Variants in COL12A1 observed in about 807,000 individuals in gnomAD.
The protein encoded by COL12A1 is collagen alpha-1(XII) chain.
A neutral mutation model predicts 349.7 loss-of-function variants in COL12A1; 114 were observed. The ratio of observed to expected loss-of-function variants is 0.33; its 90% confidence interval spans 0.28 to 0.38. COL12A1 has a LOEUF of 0.38. COL12A1 is among the 10% of genes least tolerant of loss of function. The pLI, the probability that COL12A1 is intolerant of heterozygous loss-of-function variation, is 1.00. For synonymous variants in COL12A1, 1,369 were observed against 1,329.0 expected (o/e 1.03, Z -0.66); for missense variants, 3,284 against 3,756.9 (o/e 0.87, Z 3.29).
intron 58 of COL12A1, among the ~76,000 whole-genome samples, chr6:75,098,672 G>A (rs944492312): frequency 6.6e-6 from 1 of 151,954 alleles, no homozygotes; most frequent in African/African-American, 2.4e-5. Context: ...AAAAAACAGA[G>A]GTAAAGCTGT....
At chr6:75,134,422 T>A (rs1766477098) in intron 32 of COL12A1, among the ~76,000 whole-genome samples, 1 of 151,724 alleles carries the variant, frequency 6.6e-6, no homozygotes, top group Non-Finnish European at 1.5e-5. Flanking sequence ...ATATAAAAAA[T>A]TAGCCGGGTG....
At chr6:75,198,007 T>G (rs1414660515) in intron 2 of COL12A1, among the ~76,000 whole-genome samples, 1 of 152,174 alleles carries the variant, frequency 6.6e-6, no homozygotes, top group Non-Finnish European at 1.5e-5. Context: ...AAGAACCCAA[T>G]GATGGGCCTT....
intron 60 of COL12A1, 77 bp from the exon 61 acceptor site, chr6:75,091,602 A>G: frequency 7.2e-7 from 1 of 1,385,426 alleles, no homozygotes; most frequent in Non-Finnish European, 1.0e-6. Flanking sequence ...ATAATGATGA[A>G]CGAGAACAAG....
intron 65 of COL12A1, 93 bp from the exon 66 acceptor site, chr6:75,086,650 A>G (rs1486191700): frequency 1.1e-4 from 3 of 27,336 alleles, no homozygotes; most frequent in South Asian, 2.5e-3. Context: ...TGGTTAAAGT[A>G]TATATATATA....
chr6:75,186,468 A>G (rs924433756), intron 8 of COL12A1, among the ~76,000 whole-genome samples: 4 of 152,306 alleles, frequency 2.6e-5, no homozygotes, highest in African/African-American at 9.6e-5. Context: ...TCAAAAAATA[A>G]CAAATGCTGG....
intron 27 of COL12A1, among the ~76,000 whole-genome samples, chr6:75,140,220 C>T (rs982775348): frequency 2.0e-5 from 3 of 152,226 alleles, no homozygotes; most frequent in Non-Finnish European, 2.9e-5. Flanking sequence ...TCTACTGATG[C>T]ATATGCATCA....
intron 25 of COL12A1, among the ~76,000 whole-genome samples, chr6:75,144,511 T>C (rs1562215507): frequency 6.6e-6 from 1 of 152,128 alleles, no homozygotes; most frequent in African/African-American, 2.4e-5. Context: ...CCAAGACTCA[T>C]TAAATTTAAG....
At chr6:75,166,397 G>A (rs146692073) in intron 13 of COL12A1, among the ~76,000 whole-genome samples, 1,960 of 152,188 alleles carry the variant, frequency 0.013, 35 homozygotes, top group African/African-American at 0.045. Flanking sequence ...CAATTCTTCT[G>A]GAAAACTTAA....
At chr6:75,115,721 C>G in intron 49 of COL12A1, 63 bp downstream of exon 49, 1 of 1,538,844 alleles carries the variant, frequency 6.5e-7, no homozygotes, top group Non-Finnish European at 8.7e-7. Context: ...GGGAAGTCAG[C>G]AAATATTCCA....
intron 14 of COL12A1, among the ~76,000 whole-genome samples, chr6:75,161,390 T>C (rs182939505): frequency 1.7e-3 from 264 of 152,340 alleles, no homozygotes; most frequent in African/African-American, 6.1e-3. Flanking sequence ...TGTATTGTTA[T>C]TTCTTATTGC....
rs1163634157 is a variant in COL12A1, at chr6:75,124,163, ATT to A, written c.6725-71_6725-70del. Reference sequence around the variant, plus strand: ...ATATTTCAAGAAAATTTTATATCGCATTGTTATAAACAAAATGGCATCTTCTT... The same window carrying A: ...ATATTTCAAGAAAATTTTATATCGCAGTTATAAACAAAATGGCATCTTCTT... On this transcript the variant is annotated intron_variant, in intron 41 of 65. Transcript: ENST00000322507. 5.0e-6 allele frequency: 8 copies of A among 1,594,234 alleles called. No homozygotes were observed. In the Admixed American group the frequency reaches 1.4e-4, roughly 27 times the overall value.
At chr6:75,202,377 T>G (rs751845473) in intron 2 of COL12A1, among the ~76,000 whole-genome samples, 1 of 152,178 alleles carries the variant, frequency 6.6e-6, no homozygotes, top group Non-Finnish European at 1.5e-5. Flanking sequence ...GGAGGTGTCC[T>G]GTTGGTTGCG....
At chr6:75,185,823 A>G (rs1343626594) in intron 8 of COL12A1, among the ~76,000 whole-genome samples, 1 of 152,204 alleles carries the variant, frequency 6.6e-6, no homozygotes, top group Non-Finnish European at 1.5e-5. Context: ...AACACCTACA[A>G]CCATCTGATC....
At chr6:75,126,202 TA>T in intron 39 of COL12A1, 148 bp downstream of exon 39, 1 of 773,734 alleles carries the variant, frequency 1.3e-6, no homozygotes, top group East Asian at 3.1e-5. Flanking sequence ...CTTAAAATGT[TA>T]TTGCCAAAAA....
chr6:75,115,950 C>T (rs372361220), intron 48 of COL12A1, 28 bp from the exon 49 acceptor site: 82 of 1,612,010 alleles, frequency 5.1e-5, no homozygotes, highest in Middle Eastern at 1.7e-4. Flanking sequence ...AAATATTAAA[C>T]GGAGTACATT....
intron 44 of COL12A1, among the ~76,000 whole-genome samples, chr6:75,120,239 T>G (rs1769288668): frequency 6.6e-6 from 1 of 152,148 alleles, no homozygotes; most frequent in South Asian, 2.1e-4. Context: ...CACATTAAAT[T>G]AAGAATATAA....
Position 75,119,158 on chromosome 6 carries a change from T to C in COL12A1, c.7239A>G (p.Lys2413=), listed in dbSNP as rs1769230295. The C allele has an allele frequency of 6.2e-7, 1 of 1,613,818 alleles. No homozygotes were observed. The highest frequency in any genetic ancestry group is 8.5e-7 in the Non-Finnish European group (1 of 1,179,928). Residue 2413 remains lysine, a synonymous_variant, in exon 46 of 66, where the codon AAA becomes AAG. Coordinates refer to ENST00000322507, the MANE Select transcript of COL12A1 (RefSeq NM_004370.6). ...TGKALTFIKE[K]VLTWESGMRK... ...TCATGCCGCTCTCCCAAGTCAAGAC[T>C]TTCTCCTTGATAAACGTGAGGGCCT...
intron 49 of COL12A1, among the ~76,000 whole-genome samples, chr6:75,115,014 AG>A (rs1487919719): frequency 1.3e-5 from 2 of 152,148 alleles, no homozygotes; most frequent in Non-Finnish European, 2.9e-5. Context: ...TAAAGGAGTT[AG>A]AGACTTACAA....
At chr6:75,199,888 G>A (rs1998454) in intron 2 of COL12A1, among the ~76,000 whole-genome samples, 1 of 152,210 alleles carries the variant, frequency 6.6e-6, no homozygotes, top group Non-Finnish European at 1.5e-5. Context: ...AAAGAAGAAA[G>A]GCAAAAAGTG....
Sources: allele counts gnomAD v4.1 joint callset (sites outside exome capture counted in the v4.1 genomes callset), GRCh38; gene constraint gnomAD v4.1.1; transcripts MANE v1.5; gene names NCBI Gene and HGNC (gene_info 2026-07-23, HGNC 2026-07-21).